Variants in TTN observed in about 807,000 individuals in gnomAD.
TTN encodes connectin.
Under a neutral mutation model 3,223.0 loss-of-function variants are expected in TTN, and 1,525 were observed. The observed-to-expected ratio is 0.47, with a 90% CI of 0.45 to 0.49. TTN has a LOEUF of 0.49. Ranked by LOEUF, TTN falls within the 20% of genes least tolerant of loss-of-function variation. TTN has a pLI of 0.00. For missense variants in TTN, 40,786 were observed against 43,424.0 expected, an observed-to-expected ratio of 0.94 and a Z score of 5.40; for synonymous variants, 14,094 against 15,161.0, an observed-to-expected ratio of 0.93 and a Z score of 5.17.
At position 178,532,460 on chromosome 2, in the gene TTN, C is replaced by T; in HGVS notation, c.104155G>A (p.Val34719Met). 2 of 1,613,874 alleles carry T rather than the reference C, an allele frequency of 1.2e-6. No homozygotes were observed. Among genetic ancestry groups the T allele is most frequent in the East Asian group, 4.5e-5 (2 of 44,894 alleles). ...CTGAAGTCTTTTCTTGTTTCCTCCACCTTGACATGAGCTTGTGGTGAAGAG... is the reference window on the plus strand; with the variant it reads ...CTGAAGTCTTTTCTTGTTTCCTCCATCTTGACATGAGCTTGTGGTGAAGAG... ...RYSSPQAHVK[V>M]EETRKDFRYS... The change falls in exon 358 of 363, where the codon GTG becomes ATG. Residue 34719 changes from valine to methionine, a missense_variant. By Grantham distance (21) the Val-to-Met change is conservative (BLOSUM62 1). Coordinates refer to ENST00000589042, the MANE Select transcript of TTN (RefSeq NM_001267550.2).
At chr2:178,802,470 A>T (rs2094117562) in intron 2 of TTN, 129 bp from the exon 3 acceptor site, 1 of 1,031,774 alleles carries the variant, frequency 9.7e-7, no homozygotes, top group Non-Finnish European at 1.5e-6. Flanking sequence ...ACTTAATGAT[A>T]GGGAAAACCC....
intron 221 of TTN, 49 bp downstream of exon 221, chr2:178,640,492 T>C (rs763045948): frequency 2.7e-6 from 4 of 1,475,558 alleles, no homozygotes; most frequent in Non-Finnish European, 3.8e-6. Context: ...TTTTAAATGA[T>C]ACATATTTGC....
Position 178,607,096 on chromosome 2 carries a change from G to A in TTN, c.53506C>T (p.Arg17836Cys), listed in dbSNP as rs376153809. The A allele has an allele frequency of 2.0e-5, 32 of 1,612,292 alleles. No homozygotes were observed. The highest frequency in any genetic ancestry group is 2.5e-5 in the Non-Finnish European group (30 of 1,179,146). The change falls in exon 278 of 363, where the codon CGT becomes TGT. Residue 17836 changes from arginine (R) to cysteine (C), a missense_variant. Transcript: ENST00000589042. ...CCAAACTTGTTCTTGGCAATAACAC[G>A]GAACTTATATTCTTGTCCCTCAAGC... ...GLLEGQEYKF[R>C]VIAKNKFGCG...
In TTN at chr2:178,689,799, G is replaced by A. The variant is rs775807245; in HGVS notation, c.31846+14C>T. On this transcript the variant is annotated intron_variant, in intron 122 of 362. Coordinates refer to ENST00000589042, the MANE Select transcript of TTN (RefSeq NM_001267550.2). ...AAGATAAAAGATAGGGCTTTACGTC[G>A]AAAGCCACTGTACCTTTAGCTGGGG... 46 of 1,592,158 alleles carry A rather than the reference G, an allele frequency of 2.9e-5. No homozygotes were observed. Among genetic ancestry groups the A allele is most frequent in the East Asian group, 2.0e-4 (9 of 44,752 alleles).
chr2:178,669,662 G>A lies in TTN; in HGVS notation c.35400C>T (p.Pro11800=), dbSNP rs547896195. 6.2e-7 allele frequency: 1 copy of A among 1,612,122 alleles called. No individual in the cohort carries two copies. The highest frequency in any genetic ancestry group is 2.2e-5 in the East Asian group (1 of 44,800). ...RVPPTKAPEV[P]KKIVPEEKVR... is the part of the protein sequence containing the mutation. ...CTTTTTCTTCTGGGACAATTTTCTT[G>A]GGTACTTCGGGTGCTTTAAAGATAT... The change falls in exon 158 of 363, where the codon CCC becomes CCT. Residue 11800 remains proline, a synonymous_variant. Transcript: ENST00000589042.
Position 178,619,864 on chromosome 2 carries a change from G to C in TTN, c.46453C>G (p.Pro15485Ala), listed in dbSNP as rs1334870025. 6.2e-7 allele frequency: 1 copy of C among 1,611,062 alleles called. No individual in the cohort carries two copies. The highest frequency in any genetic ancestry group is 2.2e-5 in the East Asian group (1 of 44,664). Reference sequence around the variant, plus strand: ...GGGGCTTCAAGAATATCTTGTGGAGGCCTGATGATCTCAACAGGAATTTCT... The same window carrying C: ...GGGGCTTCAAGAATATCTTGTGGAGCCCTGATGATCTCAACAGGAATTTCT... Reference protein sequence around the residue: ...VEEIPVEIIRPPQDILEAPGA... With the variant: ...VEEIPVEIIRAPQDILEAPGA... Residue 15485 changes from proline (P) to alanine (A), a missense_variant, in exon 250 of 363, where the codon CCT becomes GCT. Transcript: ENST00000589042.
Position 178,631,170 on chromosome 2 carries a change from C to T in TTN, c.43878G>A (p.Lys14626=), listed in dbSNP as rs969415694. 6.2e-7 allele frequency: 1 copy of T among 1,613,248 alleles called. No homozygotes were observed. Among genetic ancestry groups the T allele is most frequent in the Non-Finnish European group, 8.5e-7 (1 of 1,179,566 alleles). ...CCTTAATAACAGCATTTTTGGATGG[C>T]TTTATTTCCTTCCCATCCTTAAACC... ...VKWFKDGKEI[K]PSKNAVIKAD... The change falls in exon 237 of 363, where the codon AAG becomes AAA. Residue 14626 remains lysine, a synonymous_variant. Coordinates refer to ENST00000589042, the MANE Select transcript of TTN (RefSeq NM_001267550.2).
intron 111 of TTN, among the ~76,000 whole-genome samples, chr2:178,700,004 C>T (rs538119207): frequency 2.6e-5 from 4 of 152,246 alleles, no homozygotes; most frequent in Admixed American, 6.5e-5. Context: ...CGTGAGCCAC[C>T]GCGCCAGGCC....
rs868769069 is a variant in TTN at position 178,735,531 on chromosome 2, G to A, written c.14915C>T (p.Ser4972Leu). Residue 4972 changes from serine to leucine, a missense_variant, in exon 50 of 363, where the codon TCA (serine) becomes TTA (leucine). Physicochemically the swap from Ser to Leu is moderately radical, Grantham distance 145 (BLOSUM62 -2). Coordinates refer to ENST00000589042, the MANE Select transcript of TTN (RefSeq NM_001267550.2). ...CTTACCTCTGACAGTGACTGTGGCT[G>A]AGCAGGAGCTGCTTCCAGCCTCATT... is the stretch of plus-strand genomic sequence containing the variant. ...ASNEAGSSSC[S>L]ATVTVREPPS... 6.3e-7 allele frequency: 1 copy of A among 1,592,510 alleles called. No homozygotes were observed. The highest frequency in any genetic ancestry group is 8.5e-7 in the Non-Finnish European group (1 of 1,171,222).
chr2:178,751,197 C>G lies in TTN; in HGVS notation c.11311+1927G>C, dbSNP rs760823250. The G allele has an allele frequency of 1.9e-6, 3 of 1,610,472 alleles. No homozygotes were observed. The African/African-American group carries it at 4.0e-5, about 22-fold the overall frequency. On this transcript the variant is annotated intron_variant, in intron 47 of 362. Coordinates refer to ENST00000589042, the MANE Select transcript of TTN (RefSeq NM_001267550.2). ...AACAGAATATCTTTATCACTAGCTT[C>G]ACTTCTCAAAGTTCTTGAGCTTATT...
Position 178,589,536 on chromosome 2 carries a change from A to G in TTN, c.62189T>C (p.Val20730Ala), listed in dbSNP as rs752344332. ...KGSIKETHYM[V>A]DRCVENQIYE... ...AATCTGGTTTTCAACACATCTGTCA[A>G]CCATGTAGTGAGTTTCTTTAATGCT... is the stretch of plus-strand genomic sequence containing the variant. The change falls in exon 304 of 363, where the codon GTT becomes GCT. Residue 20730 changes from valine to alanine, a missense_variant. By Grantham distance (64) the Val-to-Ala change is moderately conservative. Coordinates refer to ENST00000589042, the MANE Select transcript of TTN (RefSeq NM_001267550.2). 1.1e-5 allele frequency: 18 copies of G among 1,613,150 alleles called. 1 individual carries two copies. The South Asian group carries it at 1.4e-4, about 13-fold the overall frequency.
intron 126 of TTN, 60 bp from the exon 127 acceptor site, chr2:178,688,284 C>A: frequency 7.0e-7 from 1 of 1,423,972 alleles, no homozygotes; most frequent in East Asian, 2.3e-5. Context: ...TATATACAGC[C>A]ATGTGGTCAC....
At position 178,542,447 on chromosome 2, in the gene TTN, C is replaced by A. The variant is rs2154142556; in HGVS notation, c.97309G>T (p.Val32437Leu). The change falls in exon 349 of 363, where the codon GTA becomes TTA. Residue 32437 changes from valine to leucine, a missense_variant. Physicochemically the swap from Val to Leu is conservative, Grantham distance 32. Coordinates refer to ENST00000589042, the MANE Select transcript of TTN (RefSeq NM_001267550.2). ...GGACGATGAGCGTCACGTTGTTCTA[C>A]CACATAACCACTCAGTGGAGCACCA... ...DGGAPLSGYV[V>L]EQRDAHRPGW... The A allele has an allele frequency of 6.2e-7, 1 of 1,613,698 alleles. No individual in the cohort carries two copies. Among genetic ancestry groups the A allele is most frequent in the Non-Finnish European group, 8.5e-7 (1 of 1,179,726 alleles).
rs746125479 is a variant in TTN at position 178,546,120 on chromosome 2, A to C, written c.95120-4T>G. ...TTTCCACATGGGCCAGGGGAATCTGAAACAGGTGTAATGACAAGCCATGAT... is the reference window on the plus strand; with the variant it reads ...TTTCCACATGGGCCAGGGGAATCTGCAACAGGTGTAATGACAAGCCATGAT... On this transcript the variant is annotated splice_polypyrimidine_tract_variant and splice_region_variant and intron_variant, in intron 342 of 362. Transcript: ENST00000589042. 6.3e-7 allele frequency: 1 copy of C among 1,598,452 alleles called. No individual in the cohort carries two copies. The highest frequency in any genetic ancestry group is 8.5e-7 in the Non-Finnish European group (1 of 1,171,036).
At position 178,553,215 on chromosome 2, in the gene TTN, T is replaced by A. The variant is rs765674438; in HGVS notation, c.89685A>T (p.Ser29895=). The A allele has an allele frequency of 6.2e-7, 1 of 1,613,678 alleles. No homozygotes were observed. Among genetic ancestry groups the A allele is most frequent in the Non-Finnish European group, 8.5e-7 (1 of 1,179,824 alleles). Reference sequence around the variant, plus strand: ...GAGTAACTTGAGGAATGGTGAGTAATGAGGATGAATCAGTGTTTTCAATGC... The same window carrying A: ...GAGTAACTTGAGGAATGGTGAGTAAAGAGGATGAATCAGTGTTTTCAATGC... ...RYSIENTDSS[S]LLTIPQVTRN... The change falls in exon 335 of 363, where the codon TCA becomes TCT. Residue 29895 remains serine (S), a synonymous_variant. Coordinates refer to ENST00000589042, the MANE Select transcript of TTN (RefSeq NM_001267550.2).
At position 178,598,771 on chromosome 2, in the gene TTN, G is replaced by A. The variant is rs753452704; in HGVS notation, c.56939C>T (p.Pro18980Leu). 1 of 1,613,098 alleles carries A rather than the reference G, an allele frequency of 6.2e-7. No homozygotes were observed. Among genetic ancestry groups the A allele is most frequent in the African/African-American group, 1.3e-5 (1 of 74,866 alleles). ...GVGPASLPSDPATARDPIAPP... is the reference protein window; with the variant it reads ...GVGPASLPSDLATARDPIAPP... ...ACCAATTGGATCTCTAGCAGTCGCT[G>A]GGTCTGATGGCAGACTTGCTGGACC... Residue 18980 changes from proline (P) to leucine (L), a missense_variant, in exon 291 of 363, where the codon CCA (proline) becomes CTA (leucine). Physicochemically the swap from Pro to Leu is moderately conservative, Grantham distance 98 (BLOSUM62 -3). Coordinates refer to ENST00000589042, the MANE Select transcript of TTN (RefSeq NM_001267550.2).
In TTN at chr2:178,584,748, G is replaced by T; in HGVS notation, c.64893C>A (p.Ile21631=). 6.2e-7 allele frequency: 1 copy of T among 1,613,526 alleles called. No homozygotes were observed. Among genetic ancestry groups the T allele is most frequent in the South Asian group, 1.1e-5 (1 of 91,060 alleles). ...VGKLIPGQEY[I]FRVRAENRFG... ...ATCGGTTTTCAGCACGGACCCGGAA[G>T]ATGTACTCCTGGCCTGGGATCAGCT... Residue 21631 remains isoleucine (I), a synonymous_variant, in exon 310 of 363, where the codon ATC becomes ATA. Coordinates refer to ENST00000589042, the MANE Select transcript of TTN (RefSeq NM_001267550.2).
intron 46 of TTN, among the ~76,000 whole-genome samples, chr2:178,755,946 G>A (rs187822833): frequency 8.2e-4 from 125 of 152,224 alleles, no homozygotes; most frequent in Middle Eastern, 3.4e-3. Flanking sequence ...TTGGTAGTGC[G>A]TTGGTAAATA....
chr2:178,666,129 T>A (rs186826542), intron 163 of TTN, among the ~76,000 whole-genome samples: 21 of 152,214 alleles, frequency 1.4e-4, no homozygotes, highest in Non-Finnish European at 2.5e-4. Context: ...TAGGTCGGCA[T>A]TTTTTTGTAT....
Sources: allele counts gnomAD v4.1 joint callset (sites outside exome capture counted in the v4.1 genomes callset), GRCh38; gene constraint gnomAD v4.1.1; transcripts MANE v1.5; gene names NCBI Gene and HGNC (gene_info 2026-07-23, HGNC 2026-07-21).